The following GULP1 variants were observed in gnomAD, a reference collection of about 807,000 sequenced individuals.
The protein encoded by GULP1 is PTB domain-containing engulfment adapter protein 1.
GULP1 carries 19 observed loss-of-function variants against 40.9 expected under a neutral mutation model. The ratio of observed to expected loss-of-function variants is 0.46; its 90% confidence interval spans 0.32 to 0.68. GULP1 has a LOEUF of 0.68. Ranked by LOEUF, GULP1 falls within the 30% of genes least tolerant of loss-of-function variation. GULP1 has a pLI of 0.03. For missense variants in GULP1, 312 were observed against 362.2 expected, an observed-to-expected ratio of 0.86 and a Z score of 1.12; for synonymous variants, 119 against 117.6, an observed-to-expected ratio of 1.01 and a Z score of -0.08.
intron 4 of GULP1, among the ~76,000 whole-genome samples, chr2:188,488,813 A>G (rs1367697772): frequency 2.6e-5 from 4 of 151,996 alleles, no homozygotes; most frequent in African/African-American, 9.7e-5. Flanking sequence ...AGATACTTTG[A>G]GGTAACAGCA....
At chr2:188,369,990 G>C (rs2047389818) in intron 1 of GULP1, among the ~76,000 whole-genome samples, 3 of 152,102 alleles carry the variant, frequency 2.0e-5, no homozygotes, top group Admixed American at 6.5e-5. Flanking sequence ...CTACAGGTGT[G>C]TGCCAACACA....
intron 2 of GULP1, among the ~76,000 whole-genome samples, chr2:188,436,924 A>G (rs1364035196): frequency 6.6e-6 from 1 of 152,068 alleles, no homozygotes; most frequent in Non-Finnish European, 1.5e-5. Flanking sequence ...TGGCACATAC[A>G]TAAAAACAAT....
intron 3 of GULP1, among the ~76,000 whole-genome samples, chr2:188,481,512 T>C (rs1385178637): frequency 6.6e-6 from 1 of 151,966 alleles, no homozygotes; most frequent in Non-Finnish European, 1.5e-5. Context: ...CTACAGCTTA[T>C]CCACTGGAAT....
chr2:188,321,486 A>G (rs1389810680), intron 1 of GULP1, among the ~76,000 whole-genome samples: 1 of 152,174 alleles, frequency 6.6e-6, no homozygotes, highest in Non-Finnish European at 1.5e-5. Flanking sequence ...CTAAAAGATA[A>G]CGTTCTGATG....
intron 7 of GULP1, among the ~76,000 whole-genome samples, chr2:188,556,841 G>A (rs1323841383): frequency 1.3e-5 from 2 of 152,040 alleles, no homozygotes; most frequent in Non-Finnish European, 1.5e-5. Flanking sequence ...CGAGACCACG[G>A]TGAAACCCCG....
chr2:188,348,534 G>T (rs2044008176), intron 1 of GULP1, among the ~76,000 whole-genome samples: 1 of 152,176 alleles, frequency 6.6e-6, no homozygotes, highest in Non-Finnish European at 1.5e-5. Context: ...ATGAAGATGG[G>T]TATAAGGAGG....
chr2:188,407,830 C>T (rs754805903), intron 2 of GULP1, among the ~76,000 whole-genome samples: 2 of 151,944 alleles, frequency 1.3e-5, no homozygotes, highest in African/African-American at 4.8e-5. Flanking sequence ...TAAATTCTCC[C>T]ATCAAAAGAC....
chr2:188,549,534 G>A (rs530077138), intron 7 of GULP1, among the ~76,000 whole-genome samples: 1 of 151,924 alleles, frequency 6.6e-6, no homozygotes, highest in African/African-American at 2.4e-5. Context: ...TTCACACATA[G>A]CTGATGGAGA....
Position 188,529,192 on chromosome 2 carries a change from A to G in GULP1, c.258A>G (p.Thr86=). 1 of 1,431,056 alleles carries G rather than the reference A, an allele frequency of 7.0e-7. No individual in the cohort carries two copies. Among genetic ancestry groups the G allele is most frequent in the Admixed American group, 1.9e-5 (1 of 53,378 alleles). 88.6% of individuals were successfully genotyped at this position (1,431,056 alleles called of 1,614,324 possible). A position where few individuals can be genotyped will look rare whatever the true frequency, so the allele number is the denominator to read the frequency against. Residue 86 remains threonine (T), a synonymous_variant, in exon 6 of 12, where the codon ACA becomes ACG. Coordinates refer to ENST00000409830, the MANE Select transcript of GULP1 (RefSeq NM_016315.4). ...GAGTAAAAATTCTAGAACCCAAAAC[A>G]AAGGTAAGGCTTTTTTTTTAATGTT... ...IYGVKILEPK[T]KEVQHNCQLH... is the part of the protein sequence containing the mutation.
chr2:188,344,527 G>A (rs865805610), intron 1 of GULP1, among the ~76,000 whole-genome samples: 18 of 152,388 alleles, frequency 1.2e-4, no homozygotes, highest in Middle Eastern at 6.8e-3. Context: ...CAAGATAGTA[G>A]AGAGATTTAT....
intron 1 of GULP1, among the ~76,000 whole-genome samples, chr2:188,296,996 T>G (rs1379126039): frequency 6.6e-6 from 1 of 151,968 alleles, no homozygotes; most frequent in Non-Finnish European, 1.5e-5. Context: ...GTGTGCATAC[T>G]TATGATACAT....
rs1056349657 is a variant in GULP1 at position 188,545,303 on chromosome 2, C to G, written c.399+3985C>G. Among the ~76,000 whole-genome samples the G allele has an allele frequency of 8.4e-4, 126 of 149,598 alleles. 1 individual carries two copies. Among genetic ancestry groups the G allele is most frequent in the African/African-American group, 3.0e-3 (122 of 40,810 alleles). ...GGAGTATAAGGAAGGAAAAAAAAAA[C>G]AAGATGAGCAAACATATGAGTAAAT... On this transcript the variant is annotated intron_variant, in intron 7 of 11. Transcript: ENST00000409830.
chr2:188,366,132 A>C (rs536752170), intron 1 of GULP1, among the ~76,000 whole-genome samples: 7 of 152,222 alleles, frequency 4.6e-5, no homozygotes, highest in African/African-American at 1.7e-4. Context: ...AAAAGACAGC[A>C]TAGGAGAAGG....
At chr2:188,331,230 T>G (rs1304972981) in intron 1 of GULP1, among the ~76,000 whole-genome samples, 2 of 152,202 alleles carry the variant, frequency 1.3e-5, no homozygotes, top group Non-Finnish European at 2.9e-5. Flanking sequence ...ATAATCTCTT[T>G]CAGCCTCTTT....
intron 1 of GULP1, among the ~76,000 whole-genome samples, chr2:188,328,300 C>T (rs889140464): frequency 6.6e-5 from 10 of 152,072 alleles, no homozygotes; most frequent in African/African-American, 2.4e-4. Flanking sequence ...CTTGTTTATT[C>T]CCATCTTCCC....
intron 7 of GULP1, among the ~76,000 whole-genome samples, chr2:188,551,903 T>C (rs1362034195): frequency 6.6e-6 from 1 of 151,858 alleles, no homozygotes; most frequent in Non-Finnish European, 1.5e-5. Context: ...GTGGTTTTGG[T>C]TTGCATTCTG....
At chr2:188,419,341 T>C (rs1335255496) in intron 2 of GULP1, among the ~76,000 whole-genome samples, 1 of 152,136 alleles carries the variant, frequency 6.6e-6, no homozygotes, top group Non-Finnish European at 1.5e-5. Flanking sequence ...AGTCCCAATT[T>C]CTCCATACCC....
intron 4 of GULP1, among the ~76,000 whole-genome samples, chr2:188,485,108 T>A (rs993294098): frequency 2.6e-5 from 4 of 152,140 alleles, no homozygotes; most frequent in African/African-American, 9.6e-5. Context: ...ATATTATCAA[T>A]CATAGTGGAA....
At chr2:188,510,138 A>G (rs1379314101) in intron 4 of GULP1, among the ~76,000 whole-genome samples, 1 of 152,082 alleles carries the variant, frequency 6.6e-6, no homozygotes, top group Non-Finnish European at 1.5e-5. Context: ...CTCAGAGGGC[A>G]CTTGAAATAT....
Sources: gnomAD v4.1 joint callset for allele counts (sites outside exome capture counted in the v4.1 genomes callset) on GRCh38, gnomAD v4.1.1 for gene constraint, MANE v1.5 for transcripts, NCBI Gene and HGNC (gene_info 2026-07-23, HGNC 2026-07-21) for gene names.